KDM2B: variants seen among roughly 807,000 people sequenced by gnomAD.
KDM2B encodes the protein lysine-specific demethylase 2B.
Under a neutral mutation model 150.0 loss-of-function variants are expected in KDM2B, and 26 were observed. That is an observed-to-expected ratio of 0.17 (90% CI 0.13 to 0.24). The LOEUF (loss-of-function observed/expected upper bound fraction) is 0.24. KDM2B is among the 10% of genes least tolerant of loss of function. The probability of loss-of-function intolerance (pLI) is 1.00; values close to 1 mark genes in which losing one functional copy is unlikely to be tolerated. For synonymous variants in KDM2B, 734 were observed against 729.5 expected (o/e 1.01, Z -0.10); for missense variants, 1,265 against 1,816.9 (o/e 0.70, Z 5.52).
chr12:121,507,257 G>A (rs782364165), intron 11 of KDM2B, among the ~76,000 whole-genome samples: 2 of 151,912 alleles, frequency 1.3e-5, no homozygotes, highest in African/African-American at 2.4e-5. Flanking sequence ...CCAGCTACTC[G>A]GGAGGCAGGG....
rs1236085581 is a variant in KDM2B, at chr12:121,450,348, A to G, written c.1959+2772T>C. 3.3e-5 allele frequency among the ~76,000 whole-genome samples: 5 copies of G among 152,204 alleles called. No individual in the cohort carries two copies. In the East Asian group the frequency reaches 9.6e-4, roughly 29 times the overall value. ...AAAGAAAGAAAAAAAAGAAAAGAAA[A>G]AAGTAAATCAGTTTAAAAACGGGCT... On this transcript the variant is annotated intron_variant, in intron 13 of 22. Coordinates refer to ENST00000377071, the MANE Select transcript of KDM2B (RefSeq NM_032590.5).
chr12:121,532,545 G>T (rs935307187), intron 8 of KDM2B, among the ~76,000 whole-genome samples: 2 of 152,238 alleles, frequency 1.3e-5, no homozygotes, highest in Non-Finnish European at 2.9e-5. Flanking sequence ...AGGAAGTCCT[G>T]CACAGGGATT....
chr12:121,489,208 G>A (rs1883093040), intron 12 of KDM2B, among the ~76,000 whole-genome samples: 1 of 151,912 alleles, frequency 6.6e-6, no homozygotes, highest in African/African-American at 2.4e-5. Flanking sequence ...GCCTCCCAAA[G>A]GGCTGGGATT....
chr12:121,555,450 G>A (rs1429930464), intron 4 of KDM2B, among the ~76,000 whole-genome samples: 4 of 152,144 alleles, frequency 2.6e-5, no homozygotes, highest in Non-Finnish European at 2.9e-5. Flanking sequence ...TCAGCACACT[G>A]CAACCTCCAC....
At chr12:121,457,901 T>C (rs997707449) in intron 12 of KDM2B, among the ~76,000 whole-genome samples, 2 of 152,206 alleles carry the variant, frequency 1.3e-5, no homozygotes, top group African/African-American at 4.8e-5. Flanking sequence ...CTACCAGATA[T>C]TATCCACCAG....
downstream of KDM2B, among the ~76,000 whole-genome samples, chr12:121,424,662 G>C (rs1872420615): frequency 6.9e-6 from 1 of 145,604 alleles, no homozygotes; most frequent in African/African-American, 2.6e-5. Context: ...AGTGAGCCAA[G>C]ATCACACCAC....
At chr12:121,510,677 C>T (rs564168702) in intron 10 of KDM2B, among the ~76,000 whole-genome samples, 27 of 152,052 alleles carry the variant, frequency 1.8e-4, no homozygotes, top group Non-Finnish European at 3.2e-4. Context: ...CCTGTAGTCC[C>T]AGCTACTTGG....
intron 4 of KDM2B, among the ~76,000 whole-genome samples, chr12:121,557,192 G>C (rs926319869): frequency 6.6e-6 from 1 of 150,612 alleles, no homozygotes; most frequent in Non-Finnish European, 1.5e-5. Flanking sequence ...GCTAGAATGA[G>C]ATCATATGGG....
intron 6 of KDM2B, among the ~76,000 whole-genome samples, chr12:121,536,529 TTCTC>T (rs1888113687): frequency 6.6e-6 from 1 of 152,156 alleles, no homozygotes; most frequent in Non-Finnish European, 1.5e-5. Flanking sequence ...GGTGATCCTC[TTCTC>T]TCTAAGGAAA....
chr12:121,483,860 A>G (rs1286607083), intron 12 of KDM2B, among the ~76,000 whole-genome samples: 22 of 152,078 alleles, frequency 1.4e-4, no homozygotes, highest in Admixed American at 1.4e-3. Context: ...CATAATGGAG[A>G]GTTTAGCAGA....
intron 6 of KDM2B, among the ~76,000 whole-genome samples, chr12:121,548,589 C>G (rs1555311146): frequency 6.6e-6 from 1 of 152,212 alleles, no homozygotes; most frequent in African/African-American, 2.4e-5. Context: ...TACAGACACA[C>G]ACACCGATGC....
intron 4 of KDM2B, among the ~76,000 whole-genome samples, chr12:121,551,697 C>T (rs1264521295): frequency 1.3e-5 from 2 of 152,048 alleles, no homozygotes; most frequent in African/African-American, 2.4e-5. Context: ...GAATTAAGGG[C>T]GTGCACCACC....
intron 8 of KDM2B, among the ~76,000 whole-genome samples, chr12:121,532,442 C>T (rs532719629): frequency 2.6e-5 from 4 of 152,160 alleles, no homozygotes; most frequent in African/African-American, 7.2e-5. Flanking sequence ...TCTAAGTGGT[C>T]GATCCAGAAT....
chr12:121,443,337 A>G (rs1875516890), intron 17 of KDM2B: 1 of 577,962 alleles, frequency 1.7e-6, no homozygotes, highest in East Asian at 2.9e-5. Flanking sequence ...GTTCTGGAGC[A>G]CAGCCCTGTG....
chr12:121,567,309 C>A (rs956980614), intron 4 of KDM2B, among the ~76,000 whole-genome samples: 3 of 152,200 alleles, frequency 2.0e-5, no homozygotes, highest in Non-Finnish European at 4.4e-5. Context: ...ACCCCCAGCA[C>A]CTCAGAATGT....
chr12:121,454,063 G>A lies in KDM2B; in HGVS notation c.1735-719C>T, dbSNP rs150068224. Among the ~76,000 whole-genome samples, 1,054 of 136,722 alleles carry A rather than the reference G, an allele frequency of 7.7e-3. 16 individuals are homozygous for A. The highest frequency in any genetic ancestry group is 0.027 in the African/African-American group (978 of 35,904). 89.7% of individuals were successfully genotyped at this position (136,722 alleles called of 152,430 possible). ...CACTTGGCTGATGCCCACTCATTCCGTCTGGTCAGTTTACAGGCTGCTTTC... is the reference window on the plus strand; with the variant it reads ...CACTTGGCTGATGCCCACTCATTCCATCTGGTCAGTTTACAGGCTGCTTTC... On this transcript the variant is annotated intron_variant, in intron 12 of 22. Transcript: ENST00000377071.
rs1880120178 is a variant in KDM2B, at chr12:121,467,145, C to G, written c.1735-13801G>C. The stretch of plus-strand genomic sequence containing the variant: ...GGCGGGTCCCTCCCTCAGCCCCACC[C>G]CGGGCCGCCGACCTGGTCCGGCTCC... On this transcript the variant is annotated intron_variant, in intron 12 of 22. Coordinates refer to ENST00000377071, the MANE Select transcript of KDM2B (RefSeq NM_032590.5). This position sits in a 1 kb window ranked among gnomAD's most constrained non-coding sequence, Gnocchi z 5.1. 1 of 1,124,010 alleles carries G rather than the reference C, an allele frequency of 8.9e-7. No individual in the cohort carries two copies. The highest frequency in any genetic ancestry group is 3.8e-5 in the Admixed American group (1 of 26,122). The allele number at this position is 1,124,010 out of a possible 1,614,324, so 69.6% of individuals were successfully genotyped here. A position where few individuals can be genotyped will look rare whatever the true frequency, so the allele number is the denominator to read the frequency against.
chr12:121,579,823 A>T (rs1450336618), intron 1 of KDM2B, among the ~76,000 whole-genome samples: 1 of 151,560 alleles, frequency 6.6e-6, no homozygotes, highest in Non-Finnish European at 1.5e-5. Flanking sequence ...TGAGACTCTA[A>T]GCCTCACAAG....
intron 12 of KDM2B, among the ~76,000 whole-genome samples, chr12:121,458,602 G>C (rs111415822): frequency 0.075 from 11,429 of 152,020 alleles, 598 homozygotes; most frequent in South Asian, 0.23. Context: ...ACAAGTTCAA[G>C]ACCAGCCTGT....
Sources: allele counts gnomAD v4.1 joint callset (sites outside exome capture counted in the v4.1 genomes callset), GRCh38; gene constraint gnomAD v4.1.1; non-coding constraint Gnocchi (gnomAD v3.1); transcripts MANE v1.5; gene names NCBI Gene and HGNC (gene_info 2026-07-23, HGNC 2026-07-21).